CTNNA3: variants seen among roughly 807,000 people sequenced by gnomAD.
CTNNA3 encodes the protein catenin alpha-3.
Under a neutral mutation model 95.7 loss-of-function variants are expected in CTNNA3, and 76 were observed. The observed-to-expected ratio is 0.79, with a 90% CI of 0.66 to 0.96. The LOEUF (loss-of-function observed/expected upper bound fraction) is 0.96, where lower values mean the gene tolerates loss of function less well. Among genes scored for constraint, CTNNA3 ranks in the 40% least tolerant of loss-of-function variants. The pLI is 0.00. For missense variants in CTNNA3, 1,191 were observed against 1,089.8 expected (o/e 1.09, Z -1.31); for synonymous variants, 431 against 374.4 (o/e 1.15, Z -1.74).
At chr10:66,872,198 C>T (rs982959600) in intron 7 of CTNNA3, among the ~76,000 whole-genome samples, 3 of 152,070 alleles carry the variant, frequency 2.0e-5, no homozygotes, top group African/African-American at 4.8e-5. Flanking sequence ...TGTTTTTGCT[C>T]TTTGCATAAA....
At chr10:67,124,529 C>T (rs1251169796) in intron 7 of CTNNA3, among the ~76,000 whole-genome samples, 3 of 152,102 alleles carry the variant, frequency 2.0e-5, no homozygotes, top group African/African-American at 7.2e-5. Flanking sequence ...GGTGCATAAC[C>T]TATTACCAGA....
At chr10:67,655,766 G>C (rs899237423) in intron 1 of CTNNA3, among the ~76,000 whole-genome samples, 1 of 141,508 alleles carries the variant, frequency 7.1e-6, no homozygotes, top group South Asian at 2.2e-4. Flanking sequence ...TCGTGAAACA[G>C]AGCGAGACTC....
Position 67,455,282 on chromosome 10 carries a change from T to A in CTNNA3, c.579+66560A>T, listed in dbSNP as rs1847130133. ...GCCTTATCTTCTCTATCATATTGTA[T>A]TTGAGAAGGAAAAAATAGAACTGTG... is the stretch of plus-strand genomic sequence containing the variant. On this transcript the variant is annotated intron_variant, in intron 5 of 17. Coordinates refer to ENST00000433211, the MANE Select transcript of CTNNA3 (RefSeq NM_013266.4). 2.6e-5 allele frequency among the ~76,000 whole-genome samples: 4 copies of A among 152,092 alleles called. No homozygotes were observed. In the South Asian group the frequency reaches 8.3e-4, roughly 32 times the overall value.
chr10:66,192,605 C>G (rs1274184382), intron 13 of CTNNA3, among the ~76,000 whole-genome samples: 1 of 152,090 alleles, frequency 6.6e-6, no homozygotes, highest in Admixed American at 6.5e-5. Context: ...TTACAAAAAC[C>G]TTGGATGGTC....
chr10:67,308,212 T>G (rs1840636164), intron 5 of CTNNA3, among the ~76,000 whole-genome samples: 1 of 152,216 alleles, frequency 6.6e-6, no homozygotes, highest in Non-Finnish European at 1.5e-5. Context: ...ATTACATTGA[T>G]ATGGCTTAGC....
chr10:66,701,882 T>C (rs1197118817), intron 9 of CTNNA3, among the ~76,000 whole-genome samples: 1 of 152,188 alleles, frequency 6.6e-6, no homozygotes, highest in Non-Finnish European at 1.5e-5. Flanking sequence ...TTATGTTTTA[T>C]ATGCACCTTA....
chr10:67,415,055 G>A (rs542770816), intron 5 of CTNNA3, among the ~76,000 whole-genome samples: 1 of 152,266 alleles, frequency 6.6e-6, no homozygotes, highest in East Asian at 1.9e-4. Flanking sequence ...ACATCAGACT[G>A]AATGGGCAAA....
rs142123628 is a variant in CTNNA3, at chr10:66,132,124, T to A, written c.1885-28875A>T. On this transcript the variant is annotated intron_variant, in intron 13 of 17. Transcript: ENST00000433211. Reference sequence around the variant, plus strand: ...CAGAGTAAACAGACAACCTACAGAATTGAGGAATATATTTGCAAATTATGC... The same window carrying A: ...CAGAGTAAACAGACAACCTACAGAAATGAGGAATATATTTGCAAATTATGC... Among the ~76,000 whole-genome samples the A allele has an allele frequency of 2.3e-4, 35 of 152,228 alleles. No individual in the cohort carries two copies. The East Asian group carries it at 6.6e-3, about 29-fold the overall frequency.
intron 9 of CTNNA3, among the ~76,000 whole-genome samples, chr10:66,760,478 T>A (rs916369233): frequency 6.6e-6 from 1 of 152,158 alleles, no homozygotes; most frequent in Non-Finnish European, 1.5e-5. Context: ...GTTTTTCAAT[T>A]CCAATGCCTG....
At chr10:66,492,658 C>T (rs897998461) in intron 11 of CTNNA3, among the ~76,000 whole-genome samples, 17 of 152,054 alleles carry the variant, frequency 1.1e-4, no homozygotes, top group African/African-American at 4.1e-4. Context: ...ATTGTTATTC[C>T]CTGTGGTTCT....
intron 7 of CTNNA3, among the ~76,000 whole-genome samples, chr10:67,145,286 G>C (rs1244134690): frequency 4.6e-5 from 7 of 152,112 alleles, no homozygotes; most frequent in Admixed American, 4.6e-4. Context: ...AACATGAAAT[G>C]AGTACATGCT....
chr10:66,344,568 G>C (rs1377257811), intron 12 of CTNNA3, among the ~76,000 whole-genome samples: 1 of 151,902 alleles, frequency 6.6e-6, no homozygotes, highest in Non-Finnish European at 1.5e-5. Context: ...GGCCCAGCCT[G>C]TAGTGTGTAT....
chr10:66,649,743 G>A (rs1845830005), intron 9 of CTNNA3, among the ~76,000 whole-genome samples: 1 of 152,190 alleles, frequency 6.6e-6, no homozygotes, highest in African/African-American at 2.4e-5. Context: ...AGCAGCCCTA[G>A]GCTCGGGAAC....
At chr10:65,943,208 C>T (rs1480051624) in intron 17 of CTNNA3, among the ~76,000 whole-genome samples, 7 of 152,006 alleles carry the variant, frequency 4.6e-5, no homozygotes, top group East Asian at 1.9e-4. Flanking sequence ...GGACTACAGG[C>T]GCCCACCACC....
At chr10:65,961,120 C>G (rs2077832750) in intron 17 of CTNNA3, among the ~76,000 whole-genome samples, 1 of 147,922 alleles carries the variant, frequency 6.8e-6, no homozygotes, top group Non-Finnish European at 1.5e-5. Context: ...TTCTCAATTA[C>G]TGCCACTTTA....
chr10:66,582,101 C>T (rs1906077), intron 10 of CTNNA3, among the ~76,000 whole-genome samples: 102,331 of 151,666 alleles, frequency 0.67, 35,914 homozygotes, highest in Non-Finnish European at 0.78. Context: ...TTGTTCTTTT[C>T]GTTTAGGTTG....
intron 12 of CTNNA3, among the ~76,000 whole-genome samples, chr10:66,291,699 G>T (rs941126485): frequency 2.0e-5 from 3 of 151,808 alleles, no homozygotes; most frequent in African/African-American, 7.3e-5. Context: ...ACAAAGGGAA[G>T]ATACTTAGAA....
chr10:66,215,839 G>T (rs748845530), intron 13 of CTNNA3, among the ~76,000 whole-genome samples: 1 of 152,184 alleles, frequency 6.6e-6, no homozygotes, highest in Non-Finnish European at 1.5e-5. Context: ...GTCATGTCTT[G>T]ACATTGTCAA....
intron 12 of CTNNA3, among the ~76,000 whole-genome samples, chr10:66,329,553 C>T (rs1180100508): frequency 2.1e-5 from 3 of 142,636 alleles, no homozygotes; most frequent in East Asian, 2.1e-4. Flanking sequence ...TCATTAGAAA[C>T]CCTAGGGCTT....
Sources: gnomAD v4.1 joint callset for allele counts (sites outside exome capture counted in the v4.1 genomes callset) on GRCh38, gnomAD v4.1.1 for gene constraint, MANE v1.5 for transcripts, NCBI Gene and HGNC (gene_info 2026-07-23, HGNC 2026-07-21) for gene names.